The following ZNF26 variants were observed in gnomAD, a reference collection of about 807,000 sequenced individuals.
ZNF26 encodes zinc finger protein 26, also known as epididymis luminal protein 179.
Under a neutral mutation model 54.9 loss-of-function variants are expected in ZNF26, and 32 were observed. That is an observed-to-expected ratio of 0.58 (90% confidence interval 0.44 to 0.78). The LOEUF is 0.78. Ranked by LOEUF, ZNF26 falls within the 30% of genes least tolerant of loss-of-function variation. The probability of loss-of-function intolerance (pLI) is 0.00; values close to 1 mark genes in which losing one functional copy is unlikely to be tolerated. For missense variants in ZNF26, 524 were observed against 634.0 expected, an observed-to-expected ratio of 0.83 and a Z score of 1.86; for synonymous variants, 221 against 209.2, an observed-to-expected ratio of 1.06 and a Z score of -0.49.
intron 1 of ZNF26, chr12:133,006,077 G>C: frequency 2.0e-6 from 2 of 984,800 alleles, no homozygotes; most frequent in Non-Finnish European, 2.4e-6. Context: ...TTTTCAGTTG[G>C]GCATATACAG....
chr12:133,007,826 T>C (rs1953365321), intron 3 of ZNF26, among the ~76,000 whole-genome samples: 1 of 152,214 alleles, frequency 6.6e-6, no homozygotes, highest in South Asian at 2.1e-4. Context: ...ATGGGTTTTA[T>C]TGGGCATCGA....
At position 133,010,210 on chromosome 12, in the gene ZNF26, T is replaced by C. The variant is rs1200842181; in HGVS notation, c.331T>C (p.Leu111=). 3 of 1,613,948 alleles carry C rather than the reference T, an allele frequency of 1.9e-6. No individual in the cohort carries two copies. The highest frequency in any genetic ancestry group is 2.5e-6 in the Non-Finnish European group (3 of 1,180,002). ...SIERSYACSV[L]GRLNLSKTHD... is the part of the protein sequence containing the mutation. ...TGAAAGAAGCTATGCTTGTAGTGTG[T>C]TGGGAAGACTTAATCTGAGCAAAAC... The change falls in exon 4 of 4, where the codon TTG becomes CTG. Residue 111 remains leucine (L), a synonymous_variant. Coordinates refer to ENST00000328654, the MANE Select transcript of ZNF26 (RefSeq NM_019591.4).
In ZNF26 at chr12:133,011,575, C is replaced by G; in HGVS notation, c.*94C>G. 2 of 1,319,050 alleles carry G rather than the reference C, an allele frequency of 1.5e-6. No homozygotes were observed. 81.7% of individuals were successfully genotyped at this position (1,319,050 alleles called of 1,614,324 possible). Reference sequence around the variant, plus strand: ...AAGCAGGAGGCCCTAAAATTACACTCATGTCAAAAATCAGAGAGGAGAGAG... The same window carrying G: ...AAGCAGGAGGCCCTAAAATTACACTGATGTCAAAAATCAGAGAGGAGAGAG... On this transcript the variant is annotated 3_prime_UTR_variant, in exon 4 of 4. Coordinates refer to ENST00000328654, the MANE Select transcript of ZNF26 (RefSeq NM_019591.4).
In ZNF26 at chr12:133,011,464, C is replaced by T. The variant is rs1193669223; in HGVS notation, c.1585C>T (p.Arg529Trp). 1.5e-5 allele frequency: 24 copies of T among 1,551,144 alleles called. No individual in the cohort carries two copies. Among genetic ancestry groups the T allele is most frequent in the South Asian group, 3.7e-5 (3 of 80,012 alleles). The change falls in exon 4 of 4, where the codon CGG becomes TGG. Residue 529 changes from arginine to tryptophan, a missense_variant. Physicochemically the swap from Arg to Trp is moderately radical, Grantham distance 101. Coordinates refer to ENST00000328654, the MANE Select transcript of ZNF26 (RefSeq NM_019591.4). ...TTGGAATTCAGGGCTTCGTATACAT[C>T]GGAAGACTCATAAATGAGAAATCAG... ...FCWNSGLRIH[R>W]KTHK
At position 133,012,604 on chromosome 12, in the gene ZNF26, T is replaced by TTTTTC. The variant is rs1555286358; in HGVS notation, c.*1127_*1128insCTTTT. The stretch of plus-strand genomic sequence containing the variant: ...TTTTTTTTTTTTTTTTTTTTTTTTT[T>TTTTTC]TTTTTGAGACTAAGTTTCACTCTTG... On this transcript the variant is annotated 3_prime_UTR_variant, in exon 4 of 4. Transcript: ENST00000328654. The TTTTTC allele has an allele frequency of 3.3e-4, 46 of 137,934 alleles. No homozygotes were observed. The highest frequency in any genetic ancestry group is 1.3e-3 in the African/African-American group (45 of 35,682). 8.5% of individuals were successfully genotyped at this position (137,934 alleles called of 1,614,324 possible). A position where few individuals can be genotyped will look rare whatever the true frequency, so the allele number is the denominator to read the frequency against.
intron 1 of ZNF26, among the ~76,000 whole-genome samples, chr12:132,996,969 G>A (rs891254297): frequency 1.6e-4 from 25 of 152,284 alleles, no homozygotes; most frequent in Admixed American, 3.3e-4. Context: ...AGCCATGTCT[G>A]TGTCTCATGC....
intron 1 of ZNF26, among the ~76,000 whole-genome samples, chr12:132,988,557 G>A (rs1952878030): frequency 1.3e-5 from 2 of 152,066 alleles, no homozygotes; most frequent in African/African-American, 4.8e-5. Flanking sequence ...TATAAGTCTT[G>A]AAGTCAGGTT....
intron 1 of ZNF26, chr12:132,987,861 C>G: frequency 2.9e-6 from 1 of 348,060 alleles, no homozygotes; most frequent in Non-Finnish European, 4.0e-6. Context: ...GGATTTCTCC[C>G]CCTGTGAGTT....
rs1953662221 is a variant in ZNF26 at position 133,023,002 on chromosome 12, G to A, written c.*11521G>A. The A allele has an allele frequency of 6.6e-6, 1 of 152,138 alleles. No homozygotes were observed. The highest frequency in any genetic ancestry group is 2.4e-5 in the African/African-American group (1 of 41,446). 9.4% of individuals were successfully genotyped at this position (152,138 alleles called of 1,614,324 possible). A position where few individuals can be genotyped will look rare whatever the true frequency, so the allele number is the denominator to read the frequency against. On this transcript the variant is annotated 3_prime_UTR_variant, in exon 4 of 4. Coordinates refer to ENST00000328654, the MANE Select transcript of ZNF26 (RefSeq NM_019591.4). Reference sequence around the variant, plus strand: ...GGAAGAAGCAGTGAGTTGGAAAAAGGGAACACTAAGTAGAGGCTTCAAGTT... The same window carrying A: ...GGAAGAAGCAGTGAGTTGGAAAAAGAGAACACTAAGTAGAGGCTTCAAGTT...
rs1272689095 is a variant in ZNF26, at chr12:133,024,973, C to T, written c.*13492C>T. The T allele has an allele frequency of 1.3e-5, 2 of 152,106 alleles. No homozygotes were observed. Among genetic ancestry groups the T allele is most frequent in the African/African-American group, 4.8e-5 (2 of 41,416 alleles). 9.4% of individuals were successfully genotyped at this position (152,106 alleles called of 1,614,324 possible). A position where few individuals can be genotyped will look rare whatever the true frequency, so the allele number is the denominator to read the frequency against. On this transcript the variant is annotated 3_prime_UTR_variant, in exon 4 of 4. Coordinates refer to ENST00000328654, the MANE Select transcript of ZNF26 (RefSeq NM_019591.4). Reference sequence around the variant, plus strand: ...GATATTTGAACTCTCAACCTTTTTGCTCAGGAAGGAGGTTGAGAAGGATAC... The same window carrying T: ...GATATTTGAACTCTCAACCTTTTTGTTCAGGAAGGAGGTTGAGAAGGATAC...
intron 1 of ZNF26, among the ~76,000 whole-genome samples, chr12:132,991,647 T>TAA (rs75476927): frequency 3.7e-4 from 56 of 149,452 alleles, no homozygotes; most frequent in Middle Eastern, 3.4e-3. Context: ...AAAAAAAACC[T>TAA]AAAAAAAAAA....
At chr12:133,002,889 G>T (rs1380268564) in intron 1 of ZNF26, among the ~76,000 whole-genome samples, 2 of 152,030 alleles carry the variant, frequency 1.3e-5, no homozygotes, top group African/African-American at 4.8e-5. Context: ...CTCCCAAAGT[G>T]CTGGGATTAC....
chr12:132,986,971 C>A, intron 1 of ZNF26, 98 bp downstream of exon 1: 1 of 1,359,162 alleles, frequency 7.4e-7, no homozygotes, highest in Non-Finnish European at 1.0e-6. Context: ...TCACATTCAG[C>A]TGTAATTGTG....
chr12:132,989,261 C>A (rs906711911), intron 1 of ZNF26, among the ~76,000 whole-genome samples: 2 of 152,146 alleles, frequency 1.3e-5, no homozygotes, highest in African/African-American at 4.8e-5. Flanking sequence ...TGGTCTCGAT[C>A]TCCTGACCTC....
chr12:133,007,334 A>G (rs1415210951), intron 2 of ZNF26, 103 bp from the exon 3 acceptor site: 11 of 1,315,670 alleles, frequency 8.4e-6, no homozygotes, highest in Admixed American at 6.0e-5. Flanking sequence ...CCTAATTGTA[A>G]TCTTTCCCCA....
At chr12:132,991,002 G>A (rs1015761250) in intron 1 of ZNF26, among the ~76,000 whole-genome samples, 26 of 151,894 alleles carry the variant, frequency 1.7e-4, no homozygotes, top group Non-Finnish European at 1.0e-4. Flanking sequence ...GGAAGTACAG[G>A]TGTGTGCCAC....
rs1953698287 is a variant in ZNF26, at chr12:133,026,001, C to G, written c.*14520C>G. On this transcript the variant is annotated 3_prime_UTR_variant, in exon 4 of 4. Coordinates refer to ENST00000328654, the MANE Select transcript of ZNF26 (RefSeq NM_019591.4). ...AGAGTGAGAGATGCCTAAAACACCC[C>G]CAGGCATTCCAGCCCCTTCTGTTCT... 1 of 152,394 alleles carries G rather than the reference C, an allele frequency of 6.6e-6. No individual in the cohort carries two copies. The highest frequency in any genetic ancestry group is 6.5e-5 in the Admixed American group (1 of 15,284). 9.4% of individuals were successfully genotyped at this position (152,394 alleles called of 1,614,324 possible).
chr12:133,023,797 A>T lies in ZNF26; in HGVS notation c.*12316A>T, dbSNP rs1953671173. ...GTGATCATGTAACTTCGCAGGATAT[A>T]AAAAGCCATGCGGCTTCTGCCTTGA... On this transcript the variant is annotated 3_prime_UTR_variant, in exon 4 of 4. Transcript: ENST00000328654. The T allele has an allele frequency of 6.6e-6, 1 of 152,240 alleles. No homozygotes were observed. Among genetic ancestry groups the T allele is most frequent in the African/African-American group, 2.4e-5 (1 of 41,460 alleles). 9.4% of individuals were successfully genotyped at this position (152,240 alleles called of 1,614,324 possible).
chr12:133,010,144 G>A lies in ZNF26; in HGVS notation c.265G>A (p.Glu89Lys). 1 of 1,579,266 alleles carries A rather than the reference G, an allele frequency of 6.3e-7. No individual in the cohort carries two copies. ...TGTTTGTTTTTTTGTAGATGGCTGG[G>A]AAGAATGGTACCAGAACAATCAAGA... The part of the protein sequence containing the change: ...ISRQSCPDGW[E>K]EWYQNNQDEL... The change falls in exon 4 of 4, where the codon GAA becomes AAA. Residue 89 changes from glutamate (E) to lysine (K), a missense_variant. Coordinates refer to ENST00000328654, the MANE Select transcript of ZNF26 (RefSeq NM_019591.4).
Sources: allele counts gnomAD v4.1 joint callset (sites outside exome capture counted in the v4.1 genomes callset), GRCh38; gene constraint gnomAD v4.1.1; transcripts MANE v1.5; gene names NCBI Gene and HGNC (gene_info 2026-07-23, HGNC 2026-07-21).